Variants in CDH6 observed in about 807,000 individuals in gnomAD.
CDH6 encodes cadherin-6.
CDH6 carries 31 observed loss-of-function variants against 78.0 expected under a neutral mutation model. The observed-to-expected ratio is 0.40, with a 90% CI of 0.30 to 0.54. The LOEUF is 0.54. Among genes scored for constraint, CDH6 ranks in the 20% least tolerant of loss-of-function variants. The pLI is 0.56. For synonymous variants in CDH6, 376 were observed against 368.8 expected (o/e 1.02, Z -0.23); for missense variants, 724 against 975.9 (o/e 0.74, Z 3.44).
intron 6 of CDH6, among the ~76,000 whole-genome samples, chr5:31,302,791 A>G (rs1737816271): frequency 1.7e-5 from 1 of 60,284 alleles, no homozygotes; most frequent in Non-Finnish European, 3.6e-5. Flanking sequence ...AGAGAGAGAG[A>G]GAGAGAGAGA....
chr5:31,204,969 CATT>C (rs1449192948), intron 1 of CDH6, among the ~76,000 whole-genome samples: 1 of 152,090 alleles, frequency 6.6e-6, no homozygotes, highest in East Asian at 1.9e-4. Flanking sequence ...TGGGAAAATC[CATT>C]ATTTGATTCC....
intron 1 of CDH6, among the ~76,000 whole-genome samples, chr5:31,266,661 A>G (rs972836769): frequency 5.9e-5 from 9 of 152,212 alleles, no homozygotes; most frequent in African/African-American, 2.2e-4. Flanking sequence ...TTTTCTGGTC[A>G]AGTTTGGGAA....
In CDH6 at chr5:31,281,611, A is replaced by G. The variant is rs188700964; in HGVS notation, c.229-12351A>G. Among the ~76,000 whole-genome samples, 36 of 152,324 alleles carry G rather than the reference A, an allele frequency of 2.4e-4. 1 individual carries two copies. The East Asian group carries it at 6.7e-3, about 29-fold the overall frequency. The stretch of plus-strand genomic sequence containing the variant: ...AAAGCCAAGCATAAAGCAGTAAACA[A>G]TGCCTTTTTGGGGAAATAACTTTAT... On this transcript the variant is annotated intron_variant, in intron 2 of 11. Coordinates refer to ENST00000265071, the MANE Select transcript of CDH6 (RefSeq NM_004932.4).
chr5:31,271,320 G>A lies in CDH6; in HGVS notation c.228+3619G>A, dbSNP rs139362906. ...GAAAAAAGAGAGGGTCGTGGGTGGC[G>A]GTGGGGTTCACAACAGCCAATGACA... On this transcript the variant is annotated intron_variant, in intron 2 of 11. Coordinates refer to ENST00000265071, the MANE Select transcript of CDH6 (RefSeq NM_004932.4). Among the ~76,000 whole-genome samples, 94 of 152,144 alleles carry A rather than the reference G, an allele frequency of 6.2e-4. No individual in the cohort carries two copies. In the East Asian group the frequency reaches 0.017, roughly 27 times the overall value.
chr5:31,216,138 T>C (rs991871438), intron 1 of CDH6, among the ~76,000 whole-genome samples: 2 of 98,086 alleles, frequency 2.0e-5, no homozygotes, highest in African/African-American at 2.8e-5. Context: ...TACATCTGAC[T>C]TTTTTTTTTT....
intron 1 of CDH6, among the ~76,000 whole-genome samples, chr5:31,199,006 A>T (rs1407843219): frequency 6.6e-6 from 1 of 152,060 alleles, no homozygotes; most frequent in African/African-American, 2.4e-5. Context: ...GAAGAATATC[A>T]ACTCTTTTCC....
In CDH6 at chr5:31,324,568, A is replaced by C. The variant is rs992610155; in HGVS notation, c.*1260A>C. ...AGTGTTTAAGATTGTAATTAAAATG[A>C]TAGTTGATTTTCAAAAGCATTAATT... On this transcript the variant is annotated 3_prime_UTR_variant, in exon 12 of 12. Transcript: ENST00000265071. The C allele has an allele frequency of 9.5e-6, 2 of 211,638 alleles. No homozygotes were observed. The highest frequency in any genetic ancestry group is 4.5e-5 in the African/African-American group (2 of 44,130). The allele number at this position is 211,638 out of a possible 1,614,324, so 13.1% of individuals were successfully genotyped here. A position where few individuals can be genotyped will look rare whatever the true frequency, so the allele number is the denominator to read the frequency against.
intron 2 of CDH6, among the ~76,000 whole-genome samples, chr5:31,290,343 C>T (rs529000975): frequency 6.6e-6 from 1 of 152,288 alleles, no homozygotes; most frequent in East Asian, 1.9e-4. Context: ...GCTACAGGTA[C>T]AGTAGTAAAA....
At chr5:31,289,576 A>G (rs562030702) in intron 2 of CDH6, among the ~76,000 whole-genome samples, 11 of 152,188 alleles carry the variant, frequency 7.2e-5, no homozygotes, top group Non-Finnish European at 1.2e-4. Flanking sequence ...AGATTGAATT[A>G]ATTTACCTTC....
intron 1 of CDH6, among the ~76,000 whole-genome samples, chr5:31,204,244 A>C: frequency 6.6e-6 from 1 of 152,092 alleles, no homozygotes; most frequent in East Asian, 1.9e-4. Context: ...TTCTTAGAAA[A>C]CTTTTTCTTC....
At chr5:31,253,234 G>A (rs916495199) in intron 1 of CDH6, among the ~76,000 whole-genome samples, 18 of 152,146 alleles carry the variant, frequency 1.2e-4, no homozygotes, top group Non-Finnish European at 2.4e-4. Flanking sequence ...CCCACATGCC[G>A]TCGGAGGGAC....
chr5:31,193,923 CTT>C (rs879061067), intron 1 of CDH6, 37 bp downstream of exon 1: 13 of 145,056 alleles, frequency 9.0e-5, no homozygotes, highest in African/African-American at 1.0e-4. Flanking sequence ...ATACATCTCC[CTT>C]TTTTTTTTTT....
At chr5:31,321,382 T>C (rs1316641840) in intron 11 of CDH6, among the ~76,000 whole-genome samples, 1 of 152,202 alleles carries the variant, frequency 6.6e-6, no homozygotes, top group Admixed American at 6.5e-5. Context: ...CCAAATCTGC[T>C]TCAAAACATG....
At chr5:31,319,002 G>A (rs912253486) in intron 11 of CDH6, 5 of 207,144 alleles carry the variant, frequency 2.4e-5, no homozygotes, top group African/African-American at 1.1e-4. Context: ...AGTATTTTAA[G>A]ATATGCACAT....
At chr5:31,291,940 A>G (rs574476834) in intron 2 of CDH6, among the ~76,000 whole-genome samples, 3 of 152,284 alleles carry the variant, frequency 2.0e-5, no homozygotes, top group African/African-American at 4.8e-5. Flanking sequence ...TACTAATTAT[A>G]TGAATAATAT....
intron 1 of CDH6, among the ~76,000 whole-genome samples, chr5:31,223,945 C>T (rs540711725): frequency 1.1e-4 from 16 of 152,132 alleles, no homozygotes; most frequent in African/African-American, 2.2e-4. Context: ...GTGGCAGTGG[C>T]GATAAACAAC....
chr5:31,303,936 G>A lies in CDH6; in HGVS notation c.1000-1238G>A, dbSNP rs147262267. On this transcript the variant is annotated intron_variant, in intron 6 of 11. Transcript: ENST00000265071. ...CAGATTCGAACTGAAATTTTGCCTA[G>A]ACGACTAAATCACATTCACCAACGT... Among the ~76,000 whole-genome samples, 255 of 152,214 alleles carry A rather than the reference G, an allele frequency of 1.7e-3. 1 individual carries two copies. Among genetic ancestry groups the A allele is most frequent in the African/African-American group, 5.8e-3 (241 of 41,526 alleles).
intron 2 of CDH6, among the ~76,000 whole-genome samples, chr5:31,282,300 C>G (rs1742883928): frequency 6.6e-6 from 1 of 152,160 alleles, no homozygotes; most frequent in African/African-American, 2.4e-5. Flanking sequence ...TCTTTTCCAG[C>G]TTCTAGATAC....
At chr5:31,312,722 A>T (rs75535768) in intron 7 of CDH6, among the ~76,000 whole-genome samples, 1 of 145,084 alleles carries the variant, frequency 6.9e-6, no homozygotes, top group African/African-American at 2.5e-5. Flanking sequence ...AAACAAAAAA[A>T]CCCTTGGGTA....
Sources: allele counts gnomAD v4.1 joint callset (sites outside exome capture counted in the v4.1 genomes callset), GRCh38; gene constraint gnomAD v4.1.1; transcripts MANE v1.5; gene names NCBI Gene and HGNC (gene_info 2026-07-23, HGNC 2026-07-21).